The following MAP4 variants were observed in gnomAD, a reference collection of about 807,000 sequenced individuals.
MAP4 encodes microtubule-associated protein 4.
A neutral mutation model predicts 170.2 loss-of-function variants in MAP4; 76 were observed. The observed-to-expected ratio is 0.45, with a 90% CI of 0.37 to 0.54. The LOEUF (loss-of-function observed/expected upper bound fraction) is 0.54. Ranked by LOEUF, MAP4 falls within the 20% of genes least tolerant of loss-of-function variation. The probability of loss-of-function intolerance (pLI) is 0.00; values close to 1 mark genes in which losing one functional copy is unlikely to be tolerated. For synonymous variants in MAP4, 909 were observed against 994.5 expected, an observed-to-expected ratio of 0.91 and a Z score of 1.62; for missense variants, 2,506 against 2,748.0, an observed-to-expected ratio of 0.91 and a Z score of 1.97.
At chr3:48,085,645 G>A (rs1213792947) in intron 1 of MAP4, among the ~76,000 whole-genome samples, 2 of 152,346 alleles carry the variant, frequency 1.3e-5, no homozygotes, top group South Asian at 4.1e-4. Context: ...CGTAAGGCCA[G>A]GCGTGATGGC....
intron 1 of MAP4, among the ~76,000 whole-genome samples, chr3:48,001,139 A>T (rs1218218154): frequency 6.6e-6 from 1 of 151,972 alleles, no homozygotes. Context: ...ATAAGTACAG[A>T]CAGGATAATT....
At chr3:48,037,148 A>G (rs764976469) in intron 1 of MAP4, among the ~76,000 whole-genome samples, 13 of 152,224 alleles carry the variant, frequency 8.5e-5, no homozygotes, top group Non-Finnish European at 2.9e-5. Flanking sequence ...AGTTCTGAGG[A>G]AAGTAAAAAA....
intron 1 of MAP4, among the ~76,000 whole-genome samples, chr3:48,045,547 T>C (rs2154543317): frequency 6.6e-6 from 1 of 152,110 alleles, no homozygotes; most frequent in African/African-American, 2.4e-5. Context: ...CCCGAAAACA[T>C]CCCCTCCCCC....
At chr3:47,891,089 T>C (rs2153041420) in intron 10 of MAP4, 2 of 1,534,730 alleles carry the variant, frequency 1.3e-6, no homozygotes, top group East Asian at 2.4e-5. Context: ...CTCAATTTCT[T>C]TCTTCCCTGC....
chr3:48,082,220 C>T (rs1208572139), intron 1 of MAP4, among the ~76,000 whole-genome samples: 1 of 152,154 alleles, frequency 6.6e-6, no homozygotes, highest in Non-Finnish European at 1.5e-5. Flanking sequence ...ATCAACGCTG[C>T]CGCAGGCAAG....
At chr3:47,979,229 A>T (rs1311193104) in intron 2 of MAP4, among the ~76,000 whole-genome samples, 1 of 137,828 alleles carries the variant, frequency 7.3e-6, no homozygotes, top group Admixed American at 7.5e-5. Context: ...TGTACCTAAT[A>T]ATTAGGTGAT....
chr3:48,069,684 A>G (rs974286592), intron 1 of MAP4, among the ~76,000 whole-genome samples: 1 of 152,104 alleles, frequency 6.6e-6, no homozygotes, highest in African/African-American at 2.4e-5. Context: ...TTTTGTCCCT[A>G]TTATTGTTAT....
intron 4 of MAP4, 74 bp from the exon 5 acceptor site, chr3:47,921,952 TC>T: frequency 1.3e-6 from 1 of 767,206 alleles, no homozygotes; most frequent in Non-Finnish European, 2.3e-6. Context: ...TTTCTTTCTT[TC>T]TTTTTTTTTT....
At chr3:48,038,650 C>A (rs1370648255) in intron 1 of MAP4, among the ~76,000 whole-genome samples, 1 of 151,976 alleles carries the variant, frequency 6.6e-6, no homozygotes, top group Admixed American at 6.6e-5. Flanking sequence ...TTAGCAGGGA[C>A]GGGGTTTCAC....
At chr3:47,939,234 G>C (rs1025409709) in intron 3 of MAP4, among the ~76,000 whole-genome samples, 1 of 152,004 alleles carries the variant, frequency 6.6e-6, no homozygotes. Context: ...ACTGTTACTA[G>C]GAAAGAATTT....
chr3:47,911,085 A>G lies in MAP4; in HGVS notation c.3336T>C (p.Thr1112=), dbSNP rs1165088882. ...EPVSKTEGMT[T]QDKSEELGLN... ...GCCCCAGCTCCTCACTCTTATCCTG[A>G]GTAGTCATTCCTTCAGTTTTAGAGA... The change falls in exon 9 of 21, where the codon ACT becomes ACC. Residue 1112 remains threonine (T), a synonymous_variant. Coordinates refer to ENST00000683076, the MANE Select transcript of MAP4 (RefSeq NM_001385682.1). This position sits in a 1 kb window ranked among gnomAD's most constrained non-coding sequence, Gnocchi z 4.0. The G allele has an allele frequency of 6.5e-7, 1 of 1,536,112 alleles. No homozygotes were observed. Among genetic ancestry groups the G allele is most frequent in the East Asian group, 2.4e-5 (1 of 40,920 alleles).
intron 4 of MAP4, among the ~76,000 whole-genome samples, chr3:47,923,406 G>C (rs2100044096): frequency 1.3e-5 from 2 of 151,260 alleles, no homozygotes; most frequent in Non-Finnish European, 2.9e-5. Context: ...TGGGAAACTT[G>C]TTGAGGCTTC....
intron 18 of MAP4, 83 bp downstream of exon 18, chr3:47,857,348 T>C (rs1176484942): frequency 3.6e-6 from 4 of 1,116,336 alleles, no homozygotes; most frequent in African/African-American, 3.1e-5. Context: ...GATGAAACCC[T>C]TGCCAGCCAG....
At chr3:47,948,444 G>C (rs956881082) in intron 3 of MAP4, among the ~76,000 whole-genome samples, 1 of 151,074 alleles carries the variant, frequency 6.6e-6, no homozygotes, top group Non-Finnish European at 1.5e-5. Flanking sequence ...GGCTGGTCTC[G>C]AACTCCTGGG....
intron 2 of MAP4, among the ~76,000 whole-genome samples, chr3:47,984,071 C>T (rs980377309): frequency 6.6e-6 from 1 of 151,990 alleles, no homozygotes; most frequent in South Asian, 2.1e-4. Context: ...ATGGAAGTCT[C>T]ATTTGCACAT....
chr3:48,030,651 T>A (rs552191861), intron 1 of MAP4, among the ~76,000 whole-genome samples: 1 of 151,312 alleles, frequency 6.6e-6, no homozygotes, highest in East Asian at 1.9e-4. Flanking sequence ...ACCCAAATAT[T>A]AACCAGGCAT....
chr3:48,016,354 G>C lies in MAP4; in HGVS notation c.-40C>G, dbSNP rs969762918. The C allele has an allele frequency of 6.6e-6, 1 of 152,166 alleles. No homozygotes were observed. Among genetic ancestry groups the C allele is most frequent in the Non-Finnish European group, 1.5e-5 (1 of 68,056 alleles). 9.4% of individuals were successfully genotyped at this position (152,166 alleles called of 1,614,324 possible). On this transcript the variant is annotated 5_prime_UTR_variant, in exon 1 of 21. Transcript: ENST00000683076. ...CTTACAGGAACTATCCAGGCAGCTT[G>C]TGTTCAGTCCTGACTAAATGCATTT...
chr3:47,855,075 G>T lies in MAP4; in HGVS notation c.6696+173C>A. On this transcript the variant is annotated intron_variant, in intron 19 of 20. Transcript: ENST00000683076. The surrounding 1 kb of genome is among the most constrained non-coding windows in gnomAD (Gnocchi z 5.1). ...GCTGGGCTGGGGCCTCTTCACTTCT[G>T]CCTCAGTCAGGACTGATGATACACG... is the stretch of plus-strand genomic sequence containing the variant. 1 of 565,542 alleles carries T rather than the reference G, an allele frequency of 1.8e-6. No individual in the cohort carries two copies. The highest frequency in any genetic ancestry group is 3.2e-6 in the Non-Finnish European group (1 of 312,264). 35.0% of individuals were successfully genotyped at this position (565,542 alleles called of 1,614,324 possible).
At position 47,909,762 on chromosome 3, in the gene MAP4, C is replaced by T. The variant is rs1287135986; in HGVS notation, c.4659G>A (p.Glu1553=). ...IDEGHVIGES[E]SVHSGASKHS... Reference sequence around the variant, plus strand: ...GCTTAGACGCACCACTGTGCACTGACTCAGATTCTCCTATCACATGCCCTT... The same window carrying T: ...GCTTAGACGCACCACTGTGCACTGATTCAGATTCTCCTATCACATGCCCTT... Residue 1553 remains glutamate, a synonymous_variant, in exon 9 of 21, where the codon GAG becomes GAA. Transcript: ENST00000683076. 1.2e-6 allele frequency: 2 copies of T among 1,613,934 alleles called. No homozygotes were observed. Among genetic ancestry groups the T allele is most frequent in the African/African-American group, 2.7e-5 (2 of 74,932 alleles).
Sources: allele counts gnomAD v4.1 joint callset (sites outside exome capture counted in the v4.1 genomes callset), GRCh38; gene constraint gnomAD v4.1.1; non-coding constraint Gnocchi (gnomAD v3.1); transcripts MANE v1.5; gene names NCBI Gene and HGNC (gene_info 2026-07-23, HGNC 2026-07-21).